The following PINX1 variants were observed in gnomAD, a reference collection of about 807,000 sequenced individuals.
PINX1 encodes PIN2 (TERF1) interacting telomerase inhibitor 1, also known as PIN2/TERF1-interacting telomerase inhibitor 1.
Under a neutral mutation model 25.4 loss-of-function variants are expected in PINX1, and 34 were observed. The ratio of observed to expected loss-of-function variants is 1.34; its 90% CI spans 1.02 to 1.78. The LOEUF (loss-of-function observed/expected upper bound fraction) is 1.78, where lower values mean the gene tolerates loss of function less well. Among genes scored for constraint, PINX1 ranks in the 40% most tolerant of loss-of-function variants. The pLI, the probability that PINX1 is intolerant of heterozygous loss-of-function variation, is 0.00. For missense variants in PINX1, 592 were observed against 404.9 expected (o/e 1.46, Z -3.97); for synonymous variants, 197 against 147.7 (o/e 1.33, Z -2.42).
intron 4 of PINX1, among the ~76,000 whole-genome samples, chr8:10,831,155 G>A (rs750944549): frequency 1.3e-5 from 2 of 152,230 alleles, no homozygotes; most frequent in African/African-American, 2.4e-5. Flanking sequence ...ACATGGTTGA[G>A]TTTGGAGGAC....
At chr8:10,778,137 G>A (rs1477727265) in intron 6 of PINX1, among the ~76,000 whole-genome samples, 1 of 151,932 alleles carries the variant, frequency 6.6e-6, no homozygotes, top group Non-Finnish European at 1.5e-5. Context: ...TTAGGGAGGG[G>A]GTGAATATAA....
chr8:10,791,173 A>C (rs2129076565), intron 6 of PINX1, among the ~76,000 whole-genome samples: 1 of 152,282 alleles, frequency 6.6e-6, no homozygotes, highest in South Asian at 2.1e-4. Flanking sequence ...CAGCCTTCCA[A>C]AGTGCTGGGA....
intron 6 of PINX1, among the ~76,000 whole-genome samples, chr8:10,793,508 G>C (rs1343413560): frequency 6.6e-6 from 1 of 152,150 alleles, no homozygotes; most frequent in South Asian, 2.1e-4. Flanking sequence ...ACGAATTTGT[G>C]TTGGGCCACA....
At chr8:10,833,663 CTGGAGAAGAATGACGACTGGGGTGCG>C (rs1798299429) in intron 2 of PINX1, 1 of 36,310 alleles carries the variant, frequency 2.8e-5, no homozygotes, top group Non-Finnish European at 5.6e-5. Flanking sequence ...GTGCGGGAGG[CTGGAGAAGAATGACGACTGGGGTGCG>C]GGAGGCTGGA....
intron 6 of PINX1, among the ~76,000 whole-genome samples, chr8:10,770,161 T>C (rs549696750): frequency 6.6e-6 from 1 of 152,356 alleles, no homozygotes; most frequent in African/African-American, 2.4e-5. Context: ...AGAAGCCCTC[T>C]TGGGCAGATG....
chr8:10,830,922 T>C (rs1798209735), intron 4 of PINX1, among the ~76,000 whole-genome samples: 1 of 152,236 alleles, frequency 6.6e-6, no homozygotes, highest in Non-Finnish European at 1.5e-5. Flanking sequence ...AGAACTACTA[T>C]ATGATCCAGC....
At chr8:10,814,353 A>G (rs1384776092) in intron 6 of PINX1, among the ~76,000 whole-genome samples, 5 of 152,218 alleles carry the variant, frequency 3.3e-5, no homozygotes, top group African/African-American at 1.2e-4. Flanking sequence ...TTCAGCAGGG[A>G]AACAGCGCCT....
intron 6 of PINX1, among the ~76,000 whole-genome samples, chr8:10,801,120 G>A (rs796079475): frequency 6.6e-6 from 1 of 152,144 alleles, no homozygotes; most frequent in African/African-American, 2.4e-5. Context: ...GTAGAAAACC[G>A]AATTCCAGAA....
chr8:10,834,831 C>A, intron 1 of PINX1, 56 bp from the exon 2 acceptor site: 1 of 1,143,440 alleles, frequency 8.7e-7, no homozygotes, highest in Non-Finnish European at 1.3e-6. Flanking sequence ...GAAAATACCA[C>A]ACAAACATAC....
At chr8:10,797,930 T>TG (rs1802139285) in intron 6 of PINX1, among the ~76,000 whole-genome samples, 1 of 152,166 alleles carries the variant, frequency 6.6e-6, no homozygotes, top group African/African-American at 2.4e-5. Context: ...TGCATGCAGG[T>TG]GGGACATTCT....
chr8:10,805,696 GT>G (rs1802425368), intron 6 of PINX1, among the ~76,000 whole-genome samples: 8 of 87,228 alleles, frequency 9.2e-5, no homozygotes, highest in African/African-American at 4.0e-4. Context: ...CTAGTGCTGA[GT>G]GGGTGACGGA....
intron 4 of PINX1, among the ~76,000 whole-genome samples, chr8:10,831,109 C>A (rs1210397184): frequency 6.6e-6 from 1 of 152,210 alleles, no homozygotes; most frequent in Non-Finnish European, 1.5e-5. Context: ...ATACTATTTA[C>A]CCTTACGAAA....
chr8:10,825,747 C>G (rs1701079851), intron 5 of PINX1, among the ~76,000 whole-genome samples: 3 of 152,234 alleles, frequency 2.0e-5, no homozygotes, highest in Non-Finnish European at 1.5e-5. Flanking sequence ...GCATAATTCT[C>G]TAACCTGGCG....
chr8:10,779,860 A>T (rs752569914), intron 6 of PINX1, among the ~76,000 whole-genome samples: 1 of 152,246 alleles, frequency 6.6e-6, no homozygotes, highest in African/African-American at 2.4e-5. Flanking sequence ...CCCAACGCCT[A>T]GACTGTGTCG....
At chr8:10,777,537 T>A (rs563866698) in intron 6 of PINX1, among the ~76,000 whole-genome samples, 2 of 152,172 alleles carry the variant, frequency 1.3e-5, no homozygotes, top group African/African-American at 4.8e-5. Flanking sequence ...ACGAAGCTAG[T>A]TGAAGGGGGG....
At chr8:10,778,939 C>T (rs535980228) in intron 6 of PINX1, among the ~76,000 whole-genome samples, 1 of 152,306 alleles carries the variant, frequency 6.6e-6, no homozygotes, top group East Asian at 1.9e-4. Context: ...GCCTGGCAAG[C>T]ATCCCACTAT....
At chr8:10,834,115 G>C (rs752648129) in intron 2 of PINX1, among the ~76,000 whole-genome samples, 1 of 152,044 alleles carries the variant, frequency 6.6e-6, no homozygotes, top group Non-Finnish European at 1.5e-5. Context: ...CTGAGGTTGA[G>C]CCTCAAGGAG....
At chr8:10,808,451 G>C (rs1802525460) in intron 6 of PINX1, among the ~76,000 whole-genome samples, 1 of 152,160 alleles carries the variant, frequency 6.6e-6, no homozygotes, top group Non-Finnish European at 1.5e-5. Flanking sequence ...ATATTACTTT[G>C]ATTAAAAAAT....
rs556117577 is a variant in PINX1 at position 10,807,987 on chromosome 8, G to A, written c.471+12206C>T. Among the ~76,000 whole-genome samples, 3 of 152,248 alleles carry A rather than the reference G, an allele frequency of 2.0e-5. No homozygotes were observed. The South Asian group carries it at 6.2e-4, about 32-fold the overall frequency. ...ACACACTGAAAGTTTTATATTAAGAGGCTACCAAAGAGTCTAGAGGGAAAA... is the reference window on the plus strand; with the variant it reads ...ACACACTGAAAGTTTTATATTAAGAAGCTACCAAAGAGTCTAGAGGGAAAA... On this transcript the variant is annotated intron_variant, in intron 6 of 6. Coordinates refer to ENST00000314787, the MANE Select transcript of PINX1 (RefSeq NM_017884.6).
Sources: gnomAD v4.1 joint callset for allele counts (sites outside exome capture counted in the v4.1 genomes callset) on GRCh38, gnomAD v4.1.1 for gene constraint, MANE v1.5 for transcripts, NCBI Gene and HGNC (gene_info 2026-07-23, HGNC 2026-07-21) for gene names.